The following IL7 variants were observed in gnomAD, a reference collection of about 807,000 sequenced individuals.
The protein encoded by IL7 is interleukin-7.
A neutral mutation model predicts 21.6 loss-of-function variants in IL7; 3 were observed. The observed-to-expected ratio is 0.14, with a 90% CI of 0.06 to 0.36. IL7 has a LOEUF of 0.36. Ranked by LOEUF, IL7 falls within the 10% of genes least tolerant of loss-of-function variation. The probability of loss-of-function intolerance (pLI) is 1.00; values close to 1 mark genes in which losing one functional copy is unlikely to be tolerated. For missense variants in IL7, 175 were observed against 200.2 expected (o/e 0.87, Z 0.76); for synonymous variants, 62 against 68.1 (o/e 0.91, Z 0.44).
chr8:78,775,658 C>T (rs1002730389), intron 2 of IL7, among the ~76,000 whole-genome samples: 1 of 152,080 alleles, frequency 6.6e-6, no homozygotes, highest in Admixed American at 6.6e-5. Context: ...AGTCCTTTTT[C>T]TTCCTGTAGC....
At chr8:78,756,358 G>GT (rs1010615900) in intron 2 of IL7, among the ~76,000 whole-genome samples, 2 of 151,702 alleles carry the variant, frequency 1.3e-5, no homozygotes, top group South Asian at 2.1e-4. Flanking sequence ...TCTCCTTTTC[G>GT]TTTTTTTCTT....
intron 2 of IL7, among the ~76,000 whole-genome samples, chr8:78,765,561 C>G (rs1812729555): frequency 6.6e-6 from 1 of 151,894 alleles, no homozygotes; most frequent in African/African-American, 2.4e-5. Flanking sequence ...ACACAGATAG[C>G]AAATAAGCAT....
intron 5 of IL7, chr8:78,719,389 G>T (rs549761082): frequency 6.6e-6 from 1 of 151,684 alleles, no homozygotes; most frequent in African/African-American, 2.4e-5. Context: ...TAGTTCCAGA[G>T]CCCAGAGATT....
chr8:78,772,072 C>T (rs1812976820), intron 2 of IL7, among the ~76,000 whole-genome samples: 1 of 152,140 alleles, frequency 6.6e-6, no homozygotes, highest in South Asian at 2.1e-4. Context: ...ACAACTGTCA[C>T]TATCATTACA....
intron 3 of IL7, among the ~76,000 whole-genome samples, chr8:78,699,197 A>G (rs1341732413): frequency 6.6e-6 from 1 of 152,128 alleles, no homozygotes; most frequent in Non-Finnish European, 1.5e-5. Flanking sequence ...GATTCTCTTA[A>G]TTTAATCCTT....
intron 2 of IL7, among the ~76,000 whole-genome samples, chr8:78,780,804 A>G (rs1336243886): frequency 2.0e-5 from 3 of 152,106 alleles, no homozygotes; most frequent in Non-Finnish European, 1.5e-5. Context: ...TTCTGCCTCA[A>G]TGATCTGTCT....
At position 78,738,548 on chromosome 8, in the gene IL7, T is replaced by G; in HGVS notation, c.316A>C (p.Lys106Gln). ...AGTATTGTTGTGCCTTCTGAAACTT[T>G]TAATAAGTGGAGATCAAAATCACCA... is the stretch of plus-strand genomic sequence containing the variant. Reference protein sequence around the residue: ...STGDFDLHLLKVSEGTTILLN... With the variant: ...STGDFDLHLLQVSEGTTILLN... The change falls in exon 4 of 6, where the codon AAA (lysine) becomes CAA (glutamine). Residue 106 changes from lysine to glutamine, a missense_variant. Lys to Gln is a moderately conservative substitution (Grantham distance 53). Coordinates refer to ENST00000263851, the MANE Select transcript of IL7 (RefSeq NM_000880.4). 1.2e-6 allele frequency: 2 copies of G among 1,613,788 alleles called. No homozygotes were observed. The highest frequency in any genetic ancestry group is 1.7e-6 in the Non-Finnish European group (2 of 1,179,716).
At chr8:78,683,237 G>T (rs1422784963) in intron 4 of IL7, among the ~76,000 whole-genome samples, 1 of 152,226 alleles carries the variant, frequency 6.6e-6, no homozygotes, top group Non-Finnish European at 1.5e-5. Flanking sequence ...TGGGGCCTCT[G>T]TGTGTGGACT....
chr8:78,698,143 G>C (rs1010059451), intron 3 of IL7, among the ~76,000 whole-genome samples: 1 of 152,050 alleles, frequency 6.6e-6, no homozygotes, highest in Non-Finnish European at 1.5e-5. Context: ...GCAATTGTTC[G>C]TAGTAGTCAA....
At chr8:78,698,356 T>A in intron 3 of IL7, 1 of 1,364,648 alleles carries the variant, frequency 7.3e-7, no homozygotes, top group Non-Finnish European at 1.0e-6. Flanking sequence ...TGTTAGATGC[T>A]CTGTTTTATG....
intron 2 of IL7, among the ~76,000 whole-genome samples, chr8:78,788,605 C>T (rs1813588228): frequency 6.6e-6 from 1 of 151,996 alleles, no homozygotes; most frequent in Non-Finnish European, 1.5e-5. Context: ...ATGACTTGTA[C>T]TTTATAAAAA....
chr8:78,686,602 G>A, intron 3 of IL7: 1 of 1,497,218 alleles, frequency 6.7e-7, no homozygotes, highest in Non-Finnish European at 8.9e-7. Flanking sequence ...ACCTTCTTAT[G>A]ATCCTGGTAT....
At chr8:78,691,911 G>A (rs76390497) in intron 3 of IL7, among the ~76,000 whole-genome samples, 2 of 152,028 alleles carry the variant, frequency 1.3e-5, no homozygotes, top group South Asian at 2.1e-4. Flanking sequence ...AATTGTAAAC[G>A]TGCAGATTAT....
chr8:78,707,788 G>A (rs887587068), intron 3 of IL7, among the ~76,000 whole-genome samples: 4 of 151,332 alleles, frequency 2.6e-5, no homozygotes, highest in Admixed American at 2.6e-4. Flanking sequence ...GGAACATTGT[G>A]TTACTGTATT....
intron 3 of IL7, among the ~76,000 whole-genome samples, chr8:78,701,591 T>C (rs1810605955): frequency 6.6e-6 from 1 of 152,228 alleles, no homozygotes; most frequent in Non-Finnish European, 1.5e-5. Context: ...AGGGGAATGC[T>C]TCCAGCTTTT....
intron 3 of IL7, among the ~76,000 whole-genome samples, chr8:78,687,040 G>A (rs771153250): frequency 7.9e-5 from 12 of 152,068 alleles, no homozygotes; most frequent in Non-Finnish European, 1.6e-4. Context: ...TATAATTCAT[G>A]TGGCTCGACT....
intron 2 of IL7, among the ~76,000 whole-genome samples, chr8:78,764,626 AT>A (rs1202085280): frequency 6.6e-6 from 1 of 152,218 alleles, no homozygotes; most frequent in East Asian, 1.9e-4. Flanking sequence ...CTAAAAAAAA[AT>A]GTCCAAAATA....
At chr8:78,776,478 G>A (rs948527983) in intron 2 of IL7, among the ~76,000 whole-genome samples, 6 of 152,056 alleles carry the variant, frequency 3.9e-5, no homozygotes, top group African/African-American at 1.4e-4. Flanking sequence ...TTGGATAAGA[G>A]GGGACTAAAG....
chr8:78,689,850 T>C (rs931628746), intron 3 of IL7, among the ~76,000 whole-genome samples: 1 of 152,178 alleles, frequency 6.6e-6, no homozygotes, highest in Non-Finnish European at 1.5e-5. Context: ...TGATTTATGC[T>C]CCTTATCTTG....
Sources: gnomAD v4.1 joint callset for allele counts (sites outside exome capture counted in the v4.1 genomes callset) on GRCh38, gnomAD v4.1.1 for gene constraint, MANE v1.5 for transcripts, NCBI Gene and HGNC (gene_info 2026-07-23, HGNC 2026-07-21) for gene names.